GPRIN1: variants seen among roughly 807,000 people sequenced by gnomAD.
GPRIN1 encodes G protein-regulated inducer of neurite outgrowth 1.
GPRIN1 carries 4 observed loss-of-function variants against 2.8 expected under a neutral mutation model. That is an observed-to-expected ratio of 1.45 (90% CI 0.71 to 3.32). The LOEUF is 3.32. Ranked by LOEUF, GPRIN1 falls within the 30% of genes most tolerant of loss-of-function variation. The pLI is 0.01. For synonymous variants in GPRIN1, 589 were observed against 589.9 expected (o/e 1.00, Z 0.02); for missense variants, 1,322 against 1,343.4 (o/e 0.98, Z 0.25).
In GPRIN1 at chr5:176,599,668, G is replaced by T; in HGVS notation, c.167C>A (p.Pro56His). Reference protein sequence around the residue: ...CPSQQKASPAPPRHTPDQSPG... With the variant: ...CPSQQKASPAHPRHTPDQSPG... ...GCTTTGGTCAGGGGTGTGCCTGGGG[G>T]GTGCAGGGCTTGCCTTTTGCTGGGA... The change falls in exon 2 of 2, where the codon CCC becomes CAC. Residue 56 changes from proline to histidine, a missense_variant. Around this residue, in one of 3 missense-constraint regions of GPRIN1, gnomAD observed 1,117 missense variants for 1,128.6 expected, o/e 0.99. Transcript: ENST00000303991. The T allele has an allele frequency of 1.3e-6, 2 of 1,561,002 alleles. 1 individual carries two copies.
chr5:176,597,058 C>T lies in GPRIN1; in HGVS notation c.2777G>A (p.Gly926Asp). The T allele has an allele frequency of 6.6e-7, 1 of 1,507,998 alleles. No individual in the cohort carries two copies. The highest frequency in any genetic ancestry group is 8.9e-7 in the Non-Finnish European group (1 of 1,126,188). The allele number at this position is 1,507,998 out of a possible 1,614,324, so 93.4% of individuals were successfully genotyped here. ...DEKGMTWEVYGAAMEVEVLGM... is the reference protein window; with the variant it reads ...DEKGMTWEVYDAAMEVEVLGM... ...CAGCACCTCCACCTCCATGGCGGCGCCGTATACCTCCCACGTCATGCCCTT... is the reference window on the plus strand; with the variant it reads ...CAGCACCTCCACCTCCATGGCGGCGTCGTATACCTCCCACGTCATGCCCTT... Residue 926 changes from glycine to aspartate, a missense_variant, in exon 2 of 2, where the codon GGC becomes GAC. Physicochemically the swap from Gly to Asp is moderately conservative, Grantham distance 94. Around this residue, in one of 3 missense-constraint regions of GPRIN1, gnomAD observed 196 missense variants for 189.2 expected, o/e 1.04. Coordinates refer to ENST00000303991, the MANE Select transcript of GPRIN1 (RefSeq NM_052899.3). The surrounding 1 kb of genome is among the most constrained non-coding windows in gnomAD (Gnocchi z 6.1).
rs773758376 is a variant in GPRIN1 at position 176,596,858 on chromosome 5, T to G, written c.2977A>C (p.Ser993Arg). Residue 993 changes from serine (S) to arginine (R), a missense_variant, in exon 2 of 2, where the codon AGT becomes CGT. Coordinates refer to ENST00000303991, the MANE Select transcript of GPRIN1 (RefSeq NM_052899.3). This position sits in a 1 kb window ranked among gnomAD's most constrained non-coding sequence, Gnocchi z 5.2. ...PPGLFRALLQ[S>R]VRRPRCCSRA... ...GAGCAGCACCGCGGCCGGCGCACACTCTGCAGCAGCGCGCGGAACAGGCCG... is the reference window on the plus strand; with the variant it reads ...GAGCAGCACCGCGGCCGGCGCACACGCTGCAGCAGCGCGCGGAACAGGCCG... 3 of 1,387,320 alleles carry G rather than the reference T, an allele frequency of 2.2e-6. No homozygotes were observed. The highest frequency in any genetic ancestry group is 2.8e-6 in the Non-Finnish European group (3 of 1,066,428). The allele number at this position is 1,387,320 out of a possible 1,614,324, so 85.9% of individuals were successfully genotyped here.
In GPRIN1 at chr5:176,598,076, A is replaced by C. The variant is rs199787156; in HGVS notation, c.1759T>G (p.Ser587Ala). ...AGGGACACGGGATCCACCTTCCCCGAGGGCACCGGGACTGTTTTTCCTGGA... is the reference window on the plus strand; with the variant it reads ...AGGGACACGGGATCCACCTTCCCCGCGGGCACCGGGACTGTTTTTCCTGGA... The part of the protein sequence containing the change: ...STPGKTVPVP[S>A]GKVDPVSLGK... Residue 587 changes from serine to alanine, a missense_variant, in exon 2 of 2, where the codon TCG (serine) becomes GCG (alanine). Physicochemically the swap from Ser to Ala is moderately conservative, Grantham distance 99. Coordinates refer to ENST00000303991, the MANE Select transcript of GPRIN1 (RefSeq NM_052899.3). 2.8e-4 allele frequency: 452 copies of C among 1,613,720 alleles called. No homozygotes were observed. The highest frequency in any genetic ancestry group is 3.7e-4 in the Non-Finnish European group (431 of 1,179,994).
rs1264015840 is a variant in GPRIN1, at chr5:176,597,621, G to A, written c.2214C>T (p.Pro738=). Residue 738 remains proline, a synonymous_variant, in exon 2 of 2, where the codon CCC becomes CCT. Transcript: ENST00000303991. This position sits in a 1 kb window ranked among gnomAD's most constrained non-coding sequence, Gnocchi z 6.1. Reference sequence around the variant, plus strand: ...GGCCTTCACTGCCCCTGGCACCCTCGGGAGACCGGGCTGAGCCGAGGGCTT... The same window carrying A: ...GGCCTTCACTGCCCCTGGCACCCTCAGGAGACCGGGCTGAGCCGAGGGCTT... ...DRKALGSARS[P]EGARGSEGRV... 2 of 1,600,634 alleles carry A rather than the reference G, an allele frequency of 1.2e-6. No homozygotes were observed. Among genetic ancestry groups the A allele is most frequent in the East Asian group, 2.2e-5 (1 of 44,768 alleles).
Position 176,599,455 on chromosome 5 carries a change from C to T in GPRIN1, c.380G>A (p.Gly127Glu). 1.9e-6 allele frequency: 3 copies of T among 1,614,164 alleles called. No individual in the cohort carries two copies. The highest frequency in any genetic ancestry group is 1.1e-5 in the South Asian group (1 of 91,076). The change falls in exon 2 of 2, where the codon GGG (glycine) becomes GAG (glutamate). Residue 127 changes from glycine to glutamate, a missense_variant. This residue lies in a region of GPRIN1 where 1,117 missense variants were observed against 1,128.6 expected (regional missense o/e 0.99). Coordinates refer to ENST00000303991, the MANE Select transcript of GPRIN1 (RefSeq NM_052899.3). ...CACGGAGGACACAGGCTCTGGCTTC[C>T]CAGACGTGGTGGCTTCTGGTGTCCC... ...ISGTPEATTSGKPEPVSSVKT... is the reference protein window; with the variant it reads ...ISGTPEATTSEKPEPVSSVKT...
chr5:176,597,930 A>C lies in GPRIN1; in HGVS notation c.1905T>G (p.Gly635=). 1 of 1,613,840 alleles carries C rather than the reference A, an allele frequency of 6.2e-7. No homozygotes were observed. Among genetic ancestry groups the C allele is most frequent in the South Asian group, 1.1e-5 (1 of 91,074 alleles). ...RASGKAQPQS[G]GKAETKLPGQ... is the part of the protein sequence containing the mutation. ...CAGGGAGCTTTGTTTCTGCTTTGCC[A>C]CCAGACTGCGGCTGTGCTTTCCCCG... Residue 635 remains glycine, a synonymous_variant, in exon 2 of 2, where the codon GGT becomes GGG. Coordinates refer to ENST00000303991, the MANE Select transcript of GPRIN1 (RefSeq NM_052899.3). The surrounding 1 kb of genome is among the most constrained non-coding windows in gnomAD (Gnocchi z 6.1).
Position 176,598,556 on chromosome 5 carries a change from T to C in GPRIN1, c.1279A>G (p.Met427Val), listed in dbSNP as rs200380936. 4 of 1,614,126 alleles carry C rather than the reference T, an allele frequency of 2.5e-6. No individual in the cohort carries two copies. The East Asian group carries it at 8.9e-5, about 36-fold the overall frequency. ...DPVSLGKMDP[M>V]CSGKPELLSP... ...AAGAGCTCTGGCTTTCCTGAGCACA[T>C]GGGGTCCATCTTTCCCAGAGAAACT... The change falls in exon 2 of 2, where the codon ATG becomes GTG. Residue 427 changes from methionine to valine, a missense_variant. Transcript: ENST00000303991.
At chr5:176,605,620 C>T (rs1561888787) in intron 1 of GPRIN1, among the ~76,000 whole-genome samples, 1 of 151,184 alleles carries the variant, frequency 6.6e-6, no homozygotes, top group African/African-American at 2.4e-5. Context: ...ATGGGCAACA[C>T]GGCAAGATCC....
Position 176,596,932 on chromosome 5 carries a change from G to T in GPRIN1, c.2903C>A (p.Ser968Ter). 8.2e-7 allele frequency: 1 copy of T among 1,217,994 alleles called. No homozygotes were observed. Among genetic ancestry groups the T allele is most frequent in the Non-Finnish European group, 1.0e-6 (1 of 980,646 alleles). 75.4% of individuals were successfully genotyped at this position (1,217,994 alleles called of 1,614,324 possible). A position where few individuals can be genotyped will look rare whatever the true frequency, so the allele number is the denominator to read the frequency against. ...TGGGGGCGCGGTGCGCACCGAGCCC[G>T]AACGGCCGGGGCCGGCACGGGCGGC... ...PPAARAGPGRSGSVRTAPPDG... is the reference protein window; with the variant it reads ...PPAARAGPGR Residue 968 changes from serine to a stop codon, truncating the protein, a stop_gained, in exon 2 of 2, where the codon TCG becomes TAG. Coordinates refer to ENST00000303991, the MANE Select transcript of GPRIN1 (RefSeq NM_052899.3). LOFTEE classifies it high-confidence loss of function. This position sits in a 1 kb window ranked among gnomAD's most constrained non-coding sequence, Gnocchi z 5.2.
chr5:176,597,841 T>A lies in GPRIN1; in HGVS notation c.1994A>T (p.Gln665Leu), dbSNP rs1024072844. Residue 665 changes from glutamine (Q) to leucine (L), a missense_variant, in exon 2 of 2, where the codon CAG becomes CTG. By Grantham distance (113) the Gln-to-Leu change is moderately radical. Around this residue, in one of 3 missense-constraint regions of GPRIN1, gnomAD observed 1,117 missense variants for 1,128.6 expected, o/e 0.99. Coordinates refer to ENST00000303991, the MANE Select transcript of GPRIN1 (RefSeq NM_052899.3). The surrounding 1 kb of genome is among the most constrained non-coding windows in gnomAD (Gnocchi z 6.1). ...GAVCLKKETP[Q>L]ASEKVDPGSC... ...TCCAGGATCCACCTTCTCTGAGGCC[T>A]GTGGTGTCTCCTTTTTCAAACACAC... 6.2e-7 allele frequency: 1 copy of A among 1,613,006 alleles called. No homozygotes were observed. The highest frequency in any genetic ancestry group is 1.7e-5 in the Admixed American group (1 of 59,938).
Position 176,599,671 on chromosome 5 carries a change from G to A in GPRIN1, c.164C>T (p.Ala55Val), listed in dbSNP as rs1759118203. Reference sequence around the variant, plus strand: ...TTGGTCAGGGGTGTGCCTGGGGGGTGCAGGGCTTGCCTTTTGCTGGGAGGG... The same window carrying A: ...TTGGTCAGGGGTGTGCCTGGGGGGTACAGGGCTTGCCTTTTGCTGGGAGGG... The part of the protein sequence containing the change: ...YCPSQQKASP[A>V]PPRHTPDQSP... Residue 55 changes from alanine (A) to valine (V), a missense_variant, in exon 2 of 2, where the codon GCA becomes GTA. By Grantham distance (64) the Ala-to-Val change is moderately conservative (BLOSUM62 0). This residue lies in a region of GPRIN1 where 1,117 missense variants were observed against 1,128.6 expected (regional missense o/e 0.99). Coordinates refer to ENST00000303991, the MANE Select transcript of GPRIN1 (RefSeq NM_052899.3). 6.4e-7 allele frequency: 1 copy of A among 1,565,898 alleles called. No individual in the cohort carries two copies. Among genetic ancestry groups the A allele is most frequent in the Non-Finnish European group, 8.7e-7 (1 of 1,154,996 alleles).
intron 1 of GPRIN1, among the ~76,000 whole-genome samples, chr5:176,606,183 C>G (rs1243100024): frequency 2.6e-5 from 4 of 152,176 alleles, no homozygotes; most frequent in Non-Finnish European, 5.9e-5. Flanking sequence ...TCCTGCTCCC[C>G]CAGGGCTATA....
Position 176,596,749 on chromosome 5 carries a change from T to G in GPRIN1, c.*59A>C. The G allele has an allele frequency of 7.4e-7, 1 of 1,348,554 alleles. No individual in the cohort carries two copies. The highest frequency in any genetic ancestry group is 2.8e-5 in the Admixed American group (1 of 36,214). 83.5% of individuals were successfully genotyped at this position (1,348,554 alleles called of 1,614,324 possible). The stretch of plus-strand genomic sequence containing the variant: ...GCAGAGGGGACCCCTTCTAGGGGCC[T>G]GTGATCAAGAAGGGAGCCTGAGAAG... On this transcript the variant is annotated 3_prime_UTR_variant, in exon 2 of 2. Transcript: ENST00000303991. The surrounding 1 kb of genome is among the most constrained non-coding windows in gnomAD (Gnocchi z 5.2).
chr5:176,600,222 G>T (rs1759125501), intron 1 of GPRIN1, among the ~76,000 whole-genome samples: 1 of 152,174 alleles, frequency 6.6e-6, no homozygotes, highest in Non-Finnish European at 1.5e-5. Context: ...CGCCTCCTGG[G>T]TTCAAGCGAT....
At position 176,596,865 on chromosome 5, in the gene GPRIN1, C is replaced by T. The variant is rs372527922; in HGVS notation, c.2970G>A (p.Leu990=). The part of the protein sequence containing the change: ...AKRPPGLFRA[L]LQSVRRPRCC... ...ACCGCGGCCGGCGCACACTCTGCAGCAGCGCGCGGAACAGGCCGGGCGGAC... is the reference window on the plus strand; with the variant it reads ...ACCGCGGCCGGCGCACACTCTGCAGTAGCGCGCGGAACAGGCCGGGCGGAC... The change falls in exon 2 of 2, where the codon CTG becomes CTA. Residue 990 remains leucine, a synonymous_variant. Coordinates refer to ENST00000303991, the MANE Select transcript of GPRIN1 (RefSeq NM_052899.3). This position sits in a 1 kb window ranked among gnomAD's most constrained non-coding sequence, Gnocchi z 5.2. 53 of 1,385,060 alleles carry T rather than the reference C, an allele frequency of 3.8e-5. No homozygotes were observed. The African/African-American group carries it at 7.4e-4, about 19-fold the overall frequency. 85.8% of individuals were successfully genotyped at this position (1,385,060 alleles called of 1,614,324 possible).
At chr5:176,609,181 G>A (rs1300040783) in intron 1 of GPRIN1, among the ~76,000 whole-genome samples, 1 of 152,202 alleles carries the variant, frequency 6.6e-6, no homozygotes, top group Non-Finnish European at 1.5e-5. Context: ...GTGCACAAGG[G>A]TGGCAGTCTA....
At position 176,596,692 on chromosome 5, in the gene GPRIN1, A is replaced by G. The variant is rs772760828; in HGVS notation, c.*116T>C. ...AAAGACGGGGACGCAACAGCCCTAG[A>G]GGCTGCACAACCCCTCGGAGGCCTG... On this transcript the variant is annotated 3_prime_UTR_variant, in exon 2 of 2. Transcript: ENST00000303991. This position sits in a 1 kb window ranked among gnomAD's most constrained non-coding sequence, Gnocchi z 5.2. 3.6e-6 allele frequency: 3 copies of G among 828,034 alleles called. No individual in the cohort carries two copies. The highest frequency in any genetic ancestry group is 8.0e-5 in the South Asian group (2 of 24,968). The allele number at this position is 828,034 out of a possible 1,614,324, so 51.3% of individuals were successfully genotyped here.
chr5:176,600,527 G>A (rs1311204619), intron 1 of GPRIN1, among the ~76,000 whole-genome samples: 7 of 152,220 alleles, frequency 4.6e-5, no homozygotes, highest in Admixed American at 4.6e-4. Context: ...TGATGTCCGG[G>A]GGTCAAGTAG....
chr5:176,598,109 C>G lies in GPRIN1; in HGVS notation c.1726G>C (p.Val576Leu). 6.2e-7 allele frequency: 1 copy of G among 1,613,268 alleles called. No individual in the cohort carries two copies. The highest frequency in any genetic ancestry group is 8.5e-7 in the Non-Finnish European group (1 of 1,180,002). The change falls in exon 2 of 2, where the codon GTC (valine) becomes CTC (leucine). Residue 576 changes from valine to leucine, a missense_variant. Coordinates refer to ENST00000303991, the MANE Select transcript of GPRIN1 (RefSeq NM_052899.3). ...QGDSVSIGKV[V>L]STPGKTVPVP... ...GGGACTGTTTTTCCTGGAGTTGAGA[C>G]CACTTTACCTATAGACACAGAGTCC...
Sources: allele counts gnomAD v4.1 joint callset (sites outside exome capture counted in the v4.1 genomes callset), GRCh38; gene constraint gnomAD v4.1.1; regional missense constraint gnomAD v4.1.1; non-coding constraint Gnocchi (gnomAD v3.1); transcripts MANE v1.5; gene names NCBI Gene and HGNC (gene_info 2026-07-23, HGNC 2026-07-21).